EPB41: variants seen among roughly 807,000 people sequenced by gnomAD.
The protein encoded by EPB41 is protein 4.1.
EPB41 carries 65 observed loss-of-function variants against 108.0 expected under a neutral mutation model. That is an observed-to-expected ratio of 0.60 (90% CI 0.49 to 0.74). EPB41 has a LOEUF of 0.74. Ranked by LOEUF, EPB41 falls within the 30% of genes least tolerant of loss-of-function variation. The pLI is 0.00. For missense variants in EPB41, 875 were observed against 1,037.0 expected, an observed-to-expected ratio of 0.84 and a Z score of 2.15; for synonymous variants, 336 against 358.9, an observed-to-expected ratio of 0.94 and a Z score of 0.72.
chr1:28,917,280 GTATT>G (rs1226208614), intron 1 of EPB41, among the ~76,000 whole-genome samples: 1 of 151,210 alleles, frequency 6.6e-6, no homozygotes, highest in East Asian at 2.0e-4. Context: ...GTGTGTGTGT[GTATT>G]TATTTATTTA....
At chr1:28,948,142 TACTC>T (rs765075913) in intron 1 of EPB41, among the ~76,000 whole-genome samples, 18 of 152,300 alleles carry the variant, frequency 1.2e-4, no homozygotes, top group East Asian at 1.9e-4. Context: ...GTTTGAAACA[TACTC>T]AAACAACAGT....
At chr1:28,984,859 A>G (rs1044158232) in intron 1 of EPB41, among the ~76,000 whole-genome samples, 2 of 152,108 alleles carry the variant, frequency 1.3e-5, no homozygotes, top group Admixed American at 6.5e-5. Flanking sequence ...ATGTTTTGCT[A>G]TGTTGCCCAA....
chr1:28,900,304 T>A (rs80349875), intron 1 of EPB41, among the ~76,000 whole-genome samples: 4 of 150,642 alleles, frequency 2.7e-5, no homozygotes, highest in Non-Finnish European at 5.9e-5. Flanking sequence ...TTTTTTTTTT[T>A]TGAGATGGAG....
intron 1 of EPB41, among the ~76,000 whole-genome samples, chr1:28,909,020 G>A (rs904266129): frequency 1.6e-4 from 24 of 151,342 alleles, no homozygotes; most frequent in African/African-American, 5.6e-4. Context: ...TTAGCTGGGC[G>A]TGGTGGCGGG....
chr1:28,910,087 C>CAA (rs5773222), upstream of EPB41, among the ~76,000 whole-genome samples: 10 of 121,094 alleles, frequency 8.3e-5, no homozygotes, highest in East Asian at 2.4e-4. Context: ...ACCACTGTCT[C>CAA]AAAAAAAAAA....
Position 29,058,845 on chromosome 1 carries a change from T to A in EPB41, c.1937T>A (p.Met646Lys). ...LAEKTEDLIR[M>K]RKKKRERLDG... Reference sequence around the variant, plus strand: ...GAAAAAACTGAAGATCTGATAAGAATGAGGAAGGTTAGCCATTTTTCACTT... The same window carrying A: ...GAAAAAACTGAAGATCTGATAAGAAAGAGGAAGGTTAGCCATTTTTCACTT... The change falls in exon 14 of 21, where the codon ATG becomes AAG. Residue 646 changes from methionine to lysine, a missense_variant. Transcript: ENST00000343067. 4.5e-6 allele frequency: 7 copies of A among 1,551,228 alleles called. No homozygotes were observed. Among genetic ancestry groups the A allele is most frequent in the Non-Finnish European group, 5.2e-6 (6 of 1,146,760 alleles).
chr1:28,957,795 G>A (rs1347536869), intron 1 of EPB41, among the ~76,000 whole-genome samples: 1 of 152,076 alleles, frequency 6.6e-6, no homozygotes, highest in Non-Finnish European at 1.5e-5. Flanking sequence ...CAATTTCAGT[G>A]AAGTTTACAG....
At chr1:28,924,295 A>G (rs1175195389) in intron 1 of EPB41, among the ~76,000 whole-genome samples, 1 of 152,222 alleles carries the variant, frequency 6.6e-6, no homozygotes, top group African/African-American at 2.4e-5. Flanking sequence ...TTGGGAGGCC[A>G]AGGTGGGTGG....
intron 11 of EPB41, among the ~76,000 whole-genome samples, chr1:29,052,836 T>C (rs545113666): frequency 5.3e-5 from 8 of 152,234 alleles, no homozygotes; most frequent in Non-Finnish European, 8.8e-5. Context: ...TTCTTTTCTT[T>C]GATCTTGTCT....
upstream of EPB41, among the ~76,000 whole-genome samples, chr1:28,913,374 G>A (rs544645799): frequency 5.9e-5 from 9 of 152,254 alleles, no homozygotes; most frequent in South Asian, 1.9e-3. Flanking sequence ...GGAGGCAGAG[G>A]TTGCAGTGAG....
intron 4 of EPB41, among the ~76,000 whole-genome samples, chr1:29,010,720 C>T (rs2096485705): frequency 6.6e-6 from 1 of 152,114 alleles, no homozygotes; most frequent in Non-Finnish European, 1.5e-5. Flanking sequence ...CAGTGAAGGA[C>T]AAGATTGGCG....
intron 16 of EPB41, among the ~76,000 whole-genome samples, chr1:29,087,758 G>C (rs1659689073): frequency 6.6e-6 from 1 of 152,122 alleles, no homozygotes; most frequent in Non-Finnish European, 1.5e-5. Flanking sequence ...TGATGATTCT[G>C]AGACATAATC....
chr1:28,999,434 A>T (rs908306513), intron 4 of EPB41, among the ~76,000 whole-genome samples: 1 of 152,220 alleles, frequency 6.6e-6, no homozygotes, highest in African/African-American at 2.4e-5. Flanking sequence ...TGTTTTATGT[A>T]AGCTCAGTGA....
At chr1:29,009,531 A>G (rs112439212) in intron 4 of EPB41, among the ~76,000 whole-genome samples, 65 of 152,310 alleles carry the variant, frequency 4.3e-4, no homozygotes, top group African/African-American at 1.5e-3. Context: ...GGAAAACATG[A>G]GTCTTCTATG....
chr1:28,938,341 T>A (rs979011857), intron 1 of EPB41, among the ~76,000 whole-genome samples: 3 of 152,168 alleles, frequency 2.0e-5, no homozygotes, highest in Admixed American at 1.3e-4. Context: ...GAACATGGGA[T>A]TTTTTCCGCT....
At chr1:29,041,976 C>T (rs1641708112) in intron 11 of EPB41, among the ~76,000 whole-genome samples, 1 of 152,206 alleles carries the variant, frequency 6.6e-6, no homozygotes, top group Non-Finnish European at 1.5e-5. Context: ...AAAATGTTAG[C>T]TATCATTAAG....
In EPB41 at chr1:28,920,231, A is replaced by G. The variant is rs115056397; in HGVS notation, c.-8+5463A>G. Among the ~76,000 whole-genome samples the G allele has an allele frequency of 9.5e-3, 1,446 of 152,330 alleles. 16 individuals are homozygous for G. The highest frequency in any genetic ancestry group is 0.015 in the Non-Finnish European group (1,026 of 68,036). On this transcript the variant is annotated intron_variant, in intron 1 of 20. Transcript: ENST00000343067. Reference sequence around the variant, plus strand: ...TATTACCTAATTCTATATTCAATGTATATCTACAATTCTGTTCTGTTATCT... The same window carrying G: ...TATTACCTAATTCTATATTCAATGTGTATCTACAATTCTGTTCTGTTATCT...
At chr1:29,100,479 A>AATAAATAT (rs1255094836) in intron 17 of EPB41, among the ~76,000 whole-genome samples, 3 of 146,522 alleles carry the variant, frequency 2.0e-5, no homozygotes, top group Non-Finnish European at 4.5e-5. Context: ...TAAATAAATA[A>AATAAATAT]ATAAATAAAA....
At chr1:29,036,807 C>T (rs1354348129) in intron 10 of EPB41, among the ~76,000 whole-genome samples, 1 of 151,812 alleles carries the variant, frequency 6.6e-6, no homozygotes, top group East Asian at 1.9e-4. Flanking sequence ...TCCTGAGCAG[C>T]TGGGATTACA....
Sources: allele counts gnomAD v4.1 joint callset (sites outside exome capture counted in the v4.1 genomes callset), GRCh38; gene constraint gnomAD v4.1.1; transcripts MANE v1.5; gene names NCBI Gene and HGNC (gene_info 2026-07-23, HGNC 2026-07-21).